PITPNA: variants seen among roughly 807,000 people sequenced by gnomAD.
PITPNA encodes the protein phosphatidylinositol transfer protein alpha isoform.
A neutral mutation model predicts 50.3 loss-of-function variants in PITPNA; 13 were observed. The observed-to-expected ratio is 0.26, with a 90% CI of 0.17 to 0.41. The LOEUF is 0.41. Among genes scored for constraint, PITPNA ranks in the 10% least tolerant of loss-of-function variants. The pLI is 1.00. For synonymous variants in PITPNA, 120 were observed against 119.6 expected, an observed-to-expected ratio of 1.00 and a Z score of -0.02; for missense variants, 207 against 333.4, an observed-to-expected ratio of 0.62 and a Z score of 2.95.
intron 9 of PITPNA, 117 bp from the exon 10 acceptor site, chr17:1,534,338 G>A: frequency 3.2e-6 from 4 of 1,253,000 alleles, no homozygotes; most frequent in Non-Finnish European, 3.4e-6. Context: ...CGGACAGGAG[G>A]AGGAGTAATG....
intron 10 of PITPNA, among the ~76,000 whole-genome samples, chr17:1,525,061 C>T (rs1045060027): frequency 2.6e-5 from 4 of 151,858 alleles, no homozygotes; most frequent in Non-Finnish European, 5.9e-5. Flanking sequence ...ACCATCTCGA[C>T]TCACTGCAAC....
chr17:1,529,841 C>T (rs991439772), intron 10 of PITPNA, among the ~76,000 whole-genome samples: 17 of 148,944 alleles, frequency 1.1e-4, no homozygotes, highest in Admixed American at 9.5e-4. Context: ...GGTGACAGAG[C>T]GAGACTCTGT....
At chr17:1,535,929 T>C (rs2075613185) in intron 7 of PITPNA, 1 of 196,404 alleles carries the variant, frequency 5.1e-6, no homozygotes, top group Admixed American at 5.5e-5. Flanking sequence ...GATTTGTTTT[T>C]TGTTTTTTTA....
chr17:1,521,502 T>C, intron 11 of PITPNA, 77 bp downstream of exon 11: 4 of 948,276 alleles, frequency 4.2e-6, no homozygotes, highest in South Asian at 3.9e-5. Flanking sequence ...TCTGACTCCA[T>C]AGTGAGCTGC....
chr17:1,557,206 C>T (rs901962416), intron 2 of PITPNA, among the ~76,000 whole-genome samples: 10 of 152,134 alleles, frequency 6.6e-5, no homozygotes, highest in African/African-American at 2.4e-4. Flanking sequence ...TCCCCAGGTC[C>T]CCACAGCTCT....
At chr17:1,553,292 GC>G in intron 2 of PITPNA, 143 bp from the exon 3 acceptor site, 1 of 834,720 alleles carries the variant, frequency 1.2e-6, no homozygotes, top group Non-Finnish European at 1.9e-6. Context: ...ATCAGGCCTT[GC>G]CCAAACCCAC....
chr17:1,536,872 C>G (rs962631471), intron 7 of PITPNA, among the ~76,000 whole-genome samples: 1 of 148,882 alleles, frequency 6.7e-6, no homozygotes, highest in Non-Finnish European at 1.5e-5. Flanking sequence ...GGATTACAGG[C>G]ATGAGTCACT....
intron 3 of PITPNA, among the ~76,000 whole-genome samples, chr17:1,549,954 CGT>C (rs2075699771): frequency 6.6e-6 from 1 of 152,088 alleles, no homozygotes; most frequent in South Asian, 2.1e-4. Flanking sequence ...GGATTACAGG[CGT>C]GAGCCACCGC....
At chr17:1,536,401 CCTCA>C (rs1411130706) in intron 7 of PITPNA, among the ~76,000 whole-genome samples, 1 of 151,260 alleles carries the variant, frequency 6.6e-6, no homozygotes, top group Admixed American at 6.6e-5. Context: ...CATTCTCCTG[CCTCA>C]GCCTCCCCAG....
At chr17:1,551,307 A>G (rs2075708047) in intron 3 of PITPNA, among the ~76,000 whole-genome samples, 1 of 145,756 alleles carries the variant, frequency 6.9e-6, no homozygotes, top group Admixed American at 6.9e-5. Context: ...TTTTTGTAAG[A>G]GACAGGCGGG....
Position 1,521,873 on chromosome 17 carries a change from CTTTTTTTT to C in PITPNA, c.769-236_769-229del, listed in dbSNP as rs869029944. Among the ~76,000 whole-genome samples, 175 of 121,830 alleles carry C rather than the reference CTTTTTTTT, an allele frequency of 1.4e-3. 1 individual carries two copies. Among genetic ancestry groups the C allele is most frequent in the African/African-American group, 5.3e-3 (163 of 30,710 alleles). 79.9% of individuals were successfully genotyped at this position (121,830 alleles called of 152,430 possible). A position where few individuals can be genotyped will look rare whatever the true frequency, so the allele number is the denominator to read the frequency against. Reference sequence around the variant, plus strand: ...TCTCGTGTCACGGTGTTTGAAGCACCTTTTTTTTTTTTTTTTTTTTGGTAAAGAGGTGT... The same window carrying C: ...TCTCGTGTCACGGTGTTTGAAGCACCTTTTTTTTTTTTGGTAAAGAGGTGT... On this transcript the variant is annotated intron_variant, in intron 10 of 11. Transcript: ENST00000313486.
At chr17:1,558,483 A>T in intron 2 of PITPNA, 46 bp downstream of exon 2, 1 of 1,329,544 alleles carries the variant, frequency 7.5e-7, no homozygotes, top group Non-Finnish European at 1.1e-6. Context: ...GCCAATGGTC[A>T]CAAACAGTTA....
chr17:1,537,687 T>C (rs933376771), intron 7 of PITPNA, among the ~76,000 whole-genome samples: 1 of 152,222 alleles, frequency 6.6e-6, no homozygotes, highest in African/African-American at 2.4e-5. Flanking sequence ...TAAACTTCCA[T>C]AAAAAGCTTT....
At chr17:1,556,082 T>C (rs1340421238) in intron 2 of PITPNA, among the ~76,000 whole-genome samples, 1 of 152,200 alleles carries the variant, frequency 6.6e-6, no homozygotes, top group Non-Finnish European at 1.5e-5. Context: ...GCTGTTCCCA[T>C]AGAAACTGTT....
intron 6 of PITPNA, among the ~76,000 whole-genome samples, chr17:1,540,129 G>A (rs141280764): frequency 2.9e-3 from 445 of 152,278 alleles, no homozygotes; most frequent in African/African-American, 0.01. Context: ...ATGTGTTCCC[G>A]GCTGTACAGA....
intron 10 of PITPNA, among the ~76,000 whole-genome samples, chr17:1,522,685 C>G (rs1030050079): frequency 1.3e-5 from 2 of 152,176 alleles, no homozygotes; most frequent in African/African-American, 4.8e-5. Flanking sequence ...AGTGAGGCAT[C>G]TCTTTAGTGC....
In PITPNA at chr17:1,529,840, G is replaced by A. The variant is rs182221676; in HGVS notation, c.768+4259C>T. 1.0e-3 allele frequency among the ~76,000 whole-genome samples: 155 copies of A among 151,246 alleles called. No homozygotes were observed. The East Asian group carries it at 0.024, about 24-fold the overall frequency. On this transcript the variant is annotated intron_variant, in intron 10 of 11. Coordinates refer to ENST00000313486, the MANE Select transcript of PITPNA (RefSeq NM_006224.4). ...ACTGTACTCCAGCCTGGGTGACAGA[G>A]CGAGACTCTGTTTCAAAAGAAAAAA...
At chr17:1,522,529 C>T (rs1360598683) in intron 10 of PITPNA, among the ~76,000 whole-genome samples, 7 of 152,104 alleles carry the variant, frequency 4.6e-5, no homozygotes. Context: ...TGCACCATCA[C>T]GCCCAGCTAA....
At chr17:1,558,111 A>G (rs917603906) in intron 2 of PITPNA, among the ~76,000 whole-genome samples, 22 of 152,026 alleles carry the variant, frequency 1.4e-4, no homozygotes, top group African/African-American at 3.6e-4. Flanking sequence ...CACACCTGTA[A>G]TCCCGGCTAC....
Sources: allele counts gnomAD v4.1 joint callset (sites outside exome capture counted in the v4.1 genomes callset), GRCh38; gene constraint gnomAD v4.1.1; transcripts MANE v1.5; gene names NCBI Gene and HGNC (gene_info 2026-07-23, HGNC 2026-07-21).